The following KDM4C variants were observed in gnomAD, a reference collection of about 807,000 sequenced individuals.
The protein encoded by KDM4C is lysine demethylase 4C.
KDM4C carries 81 observed loss-of-function variants against 129.3 expected under a neutral mutation model. The observed-to-expected ratio is 0.63, with a 90% CI of 0.52 to 0.75. The LOEUF is 0.75. Ranked by LOEUF, KDM4C falls within the 30% of genes least tolerant of loss-of-function variation. KDM4C has a pLI of 0.00. For missense variants in KDM4C, 1,457 were observed against 1,304.0 expected, an observed-to-expected ratio of 1.12 and a Z score of -1.81; for synonymous variants, 573 against 456.1, an observed-to-expected ratio of 1.26 and a Z score of -3.26.
intron 1 of KDM4C, among the ~76,000 whole-genome samples, chr9:6,748,214 AC>A (rs1348437159): frequency 3.3e-5 from 5 of 150,142 alleles, no homozygotes; most frequent in South Asian, 2.1e-4. Flanking sequence ...TTAAAAAAAA[AC>A]AACAGGAATT....
chr9:6,814,945 G>C lies in KDM4C; in HGVS notation c.435+200G>C, dbSNP rs1363569767. The C allele has an allele frequency of 1.7e-5, 7 of 409,780 alleles. No individual in the cohort carries two copies. In the South Asian group the frequency reaches 5.2e-4, roughly 30 times the overall value. The allele number at this position is 409,780 out of a possible 1,614,324, so 25.4% of individuals were successfully genotyped here. ...AAGCTAGATAATCGTACAAATACCT[G>C]AAATTGTTCAGTAGTAACATGGTAT... On this transcript the variant is annotated intron_variant, in intron 4 of 21. Coordinates refer to ENST00000381309, the MANE Select transcript of KDM4C (RefSeq NM_015061.6).
chr9:7,139,222 C>G (rs1008606355), intron 19 of KDM4C, among the ~76,000 whole-genome samples: 1 of 152,176 alleles, frequency 6.6e-6, no homozygotes, highest in African/African-American at 2.4e-5. Flanking sequence ...TTGCAATGAG[C>G]TGAGATTCTG....
At chr9:6,997,506 T>A (rs1018292072) in intron 12 of KDM4C, among the ~76,000 whole-genome samples, 17 of 152,236 alleles carry the variant, frequency 1.1e-4, no homozygotes, top group Admixed American at 5.2e-4. Context: ...TGGTCAAGTT[T>A]ATACCTCTTC....
At chr9:7,090,954 T>G (rs978241078) in intron 17 of KDM4C, among the ~76,000 whole-genome samples, 1 of 152,222 alleles carries the variant, frequency 6.6e-6, no homozygotes. Flanking sequence ...ATGTCCATTA[T>G]GTGTTTACAA....
intron 4 of KDM4C, among the ~76,000 whole-genome samples, chr9:6,843,046 C>A (rs984074683): frequency 2.4e-4 from 37 of 152,230 alleles, no homozygotes; most frequent in Middle Eastern, 3.2e-3. Context: ...TCTCGTGCCT[C>A]AGCCTCCCGA....
At chr9:6,739,219 C>T (rs536367047) in intron 1 of KDM4C, among the ~76,000 whole-genome samples, 1 of 152,050 alleles carries the variant, frequency 6.6e-6, no homozygotes, top group South Asian at 2.1e-4. Flanking sequence ...ATTACAGGCG[C>T]CCACATCCAT....
chr9:6,828,264 C>T (rs1309391776), intron 4 of KDM4C, among the ~76,000 whole-genome samples: 1 of 152,090 alleles, frequency 6.6e-6, no homozygotes. Flanking sequence ...TCTCCTGTCT[C>T]AGCCTCCCGA....
At chr9:7,043,567 T>A (rs1017465082) in intron 15 of KDM4C, among the ~76,000 whole-genome samples, 4 of 152,018 alleles carry the variant, frequency 2.6e-5, no homozygotes, top group African/African-American at 9.7e-5. Context: ...AAACTACAAA[T>A]GAATGAATGG....
intron 6 of KDM4C, among the ~76,000 whole-genome samples, chr9:6,887,533 A>G (rs996941372): frequency 6.6e-6 from 1 of 152,190 alleles, no homozygotes; most frequent in Non-Finnish European, 1.5e-5. Flanking sequence ...GAGGATTGGG[A>G]TGAGTGCTTC....
chr9:7,058,359 TAAGAAGC>T lies in KDM4C; in HGVS notation c.2424+9161_2424+9167del, dbSNP rs1165135283. On this transcript the variant is annotated intron_variant, in intron 17 of 21. Transcript: ENST00000381309. Reference sequence around the variant, plus strand: ...GTAAAGCTACTGATGTGGCAGTAAATAAGAAGCAGCTCTCCTAGGAAAGGGGAAAAAA... The same window carrying T: ...GTAAAGCTACTGATGTGGCAGTAAATAGCTCTCCTAGGAAAGGGGAAAAAA... Among the ~76,000 whole-genome samples, 3 of 152,168 alleles carry T rather than the reference TAAGAAGC, an allele frequency of 2.0e-5. No homozygotes were observed. In the East Asian group the frequency reaches 5.8e-4, roughly 29 times the overall value.
intron 1 of KDM4C, among the ~76,000 whole-genome samples, chr9:6,752,050 ATGGCCGGGCGCGGTGGCTC>A (rs1818078768): frequency 3.3e-5 from 5 of 151,444 alleles, no homozygotes; most frequent in African/African-American, 9.7e-5. Flanking sequence ...ATTAAGGAGG[ATGGCCGGGCGCGGTGGCTC>A]ACGCCTGTAA....
intron 8 of KDM4C, among the ~76,000 whole-genome samples, chr9:6,954,915 C>A (rs1828798753): frequency 6.6e-6 from 1 of 152,186 alleles, no homozygotes; most frequent in Admixed American, 6.5e-5. Context: ...GAATTAAAGG[C>A]CAGAATCCGA....
intron 1 of KDM4C, among the ~76,000 whole-genome samples, chr9:6,768,193 A>G (rs907430914): frequency 2.0e-5 from 3 of 152,114 alleles, no homozygotes; most frequent in African/African-American, 7.2e-5. Context: ...TGGCAAGAAG[A>G]ACTAGAATCT....
At chr9:6,737,317 G>GCTT (rs2130243635) in intron 1 of KDM4C, among the ~76,000 whole-genome samples, 1 of 151,928 alleles carries the variant, frequency 6.6e-6, no homozygotes, top group Admixed American at 6.6e-5. Flanking sequence ...AATCCATAAG[G>GCTT]AACTTAAACA....
chr9:6,804,722 G>A (rs111373891), intron 2 of KDM4C, among the ~76,000 whole-genome samples: 2 of 148,908 alleles, frequency 1.3e-5, no homozygotes. Flanking sequence ...TCGTGCCACT[G>A]CTCCCCAGCC....
intron 17 of KDM4C, among the ~76,000 whole-genome samples, chr9:7,063,314 C>G (rs781073996): frequency 6.6e-6 from 1 of 152,182 alleles, no homozygotes; most frequent in African/African-American, 2.4e-5. Flanking sequence ...ATTTTGATGT[C>G]TAACAATTTA....
intron 4 of KDM4C, among the ~76,000 whole-genome samples, chr9:6,839,284 C>T (rs987619687): frequency 2.6e-5 from 4 of 152,032 alleles, no homozygotes; most frequent in Admixed American, 2.6e-4. Flanking sequence ...GGCTAGAGTG[C>T]AGTAGCGCCA....
rs1207143439 is a variant in KDM4C, at chr9:7,174,560, C to T, written c.3002C>T (p.Ala1001Val). ...AACACCAGCTGCTTTTAGTCCACAGCCTCTGACATGCGATTTGAAGACACG... is the reference window on the plus strand; with the variant it reads ...AACACCAGCTGCTTTTAGTCCACAGTCTCTGACATGCGATTTGAAGACACG... ...PKRVKARFST[A>V]SDMRFEDTFY... Residue 1001 changes from alanine (A) to valine (V), a missense_variant, in exon 22 of 22, where the codon GCC (alanine) becomes GTC (valine). Physicochemically the swap from Ala to Val is moderately conservative, Grantham distance 64. Coordinates refer to ENST00000381309, the MANE Select transcript of KDM4C (RefSeq NM_015061.6). The T allele has an allele frequency of 6.2e-7, 1 of 1,614,044 alleles. No individual in the cohort carries two copies. Among genetic ancestry groups the T allele is most frequent in the Non-Finnish European group, 8.5e-7 (1 of 1,179,924 alleles).
intron 3 of KDM4C, among the ~76,000 whole-genome samples, chr9:6,810,840 G>A (rs1831010018): frequency 6.6e-6 from 1 of 152,158 alleles, no homozygotes; most frequent in Admixed American, 6.5e-5. Context: ...CATTGCCCCC[G>A]AGCCTGGGTG....
Sources: gnomAD v4.1 joint callset for allele counts (sites outside exome capture counted in the v4.1 genomes callset) on GRCh38, gnomAD v4.1.1 for gene constraint, MANE v1.5 for transcripts, NCBI Gene and HGNC (gene_info 2026-07-23, HGNC 2026-07-21) for gene names.